The following ACVR1 variants were observed in gnomAD, a reference collection of about 807,000 sequenced individuals.
ACVR1 encodes activin receptor type-1.
Under a neutral mutation model 57.1 loss-of-function variants are expected in ACVR1, and 38 were observed. That is an observed-to-expected ratio of 0.67 (90% CI 0.51 to 0.87). The LOEUF is 0.87. Among genes scored for constraint, ACVR1 ranks in the 40% least tolerant of loss-of-function variants. The pLI is 0.00. For missense variants in ACVR1, 463 were observed against 638.2 expected, an observed-to-expected ratio of 0.73 and a Z score of 2.96; for synonymous variants, 212 against 228.1, an observed-to-expected ratio of 0.93 and a Z score of 0.63.
chr2:157,737,520 C>G lies in ACVR1; in HGVS notation c.*11G>C. The G allele has an allele frequency of 6.2e-7, 1 of 1,613,894 alleles. No homozygotes were observed. The highest frequency in any genetic ancestry group is 2.2e-5 in the East Asian group (1 of 44,858). ...CAACGTCAAATCTTCCTTCTTGACA[C>G]TATGAAAATGTCAACAGTCAGTTTT... On this transcript the variant is annotated 3_prime_UTR_variant, in exon 11 of 11. Transcript: ENST00000434821.
At chr2:157,777,288 G>A (rs1437340208) in intron 5 of ACVR1, among the ~76,000 whole-genome samples, 1 of 152,122 alleles carries the variant, frequency 6.6e-6, no homozygotes, top group African/African-American at 2.4e-5. Context: ...ACACTGTGCA[G>A]TCCAGCGGGT....
chr2:157,757,045 A>ATATATATATATAT (rs1559039330), intron 9 of ACVR1, among the ~76,000 whole-genome samples: 8 of 98,166 alleles, frequency 8.1e-5, no homozygotes, highest in African/African-American at 2.9e-4. Context: ...TATATATATA[A>ATATATATATATAT]AATAGAATAC....
rs375065246 is a variant in ACVR1, at chr2:157,817,816, T to C, written c.-8+569A>G. On this transcript the variant is annotated intron_variant, in intron 2 of 10. Coordinates refer to ENST00000434821, the MANE Select transcript of ACVR1 (RefSeq NM_001111067.4). Reference sequence around the variant, plus strand: ...GAGTTCGAGACCAGCCTGGCCAATATGGTGAAACCCCGTCTCTACTAATAA... The same window carrying C: ...GAGTTCGAGACCAGCCTGGCCAATACGGTGAAACCCCGTCTCTACTAATAA... 2.6e-3 allele frequency among the ~76,000 whole-genome samples: 389 copies of C among 152,100 alleles called. 2 individuals carry two copies. The highest frequency in any genetic ancestry group is 8.9e-3 in the African/African-American group (371 of 41,502).
rs1453500793 is a variant in ACVR1 at position 157,761,026 on chromosome 2, T to C, written c.1118A>G (p.Asn373Ser). The C allele has an allele frequency of 1.9e-6, 3 of 1,614,152 alleles. No homozygotes were observed. Among genetic ancestry groups the C allele is most frequent in the Non-Finnish European group, 2.5e-6 (3 of 1,180,016 alleles). The change falls in exon 9 of 11, where the codon AAT becomes AGT. Residue 373 changes from asparagine (N) to serine (S), a missense_variant. Physicochemically the swap from Asn to Ser is conservative, Grantham distance 46. Transcript: ENST00000434821. ...QSTNQLDVGN[N>S]PRVGTKRYMA... ...GTAGCGCTTGGTGCCCACACGGGGA[T>C]TGTTCCCCACATCAAGCTGATTGGT...
intron 2 of ACVR1, among the ~76,000 whole-genome samples, chr2:157,807,914 CTT>C (rs1445471810): frequency 1.8e-4 from 26 of 143,910 alleles, no homozygotes; most frequent in Middle Eastern, 7.9e-3. Context: ...ACATTTCTCT[CTT>C]TCTCTCTCTC....
At chr2:157,863,148 G>A (rs868800013) in intron 1 of ACVR1, among the ~76,000 whole-genome samples, 1 of 145,592 alleles carries the variant, frequency 6.9e-6, no homozygotes. Flanking sequence ...AAGTAGCTGG[G>A]ATTACAGGTG....
intron 1 of ACVR1, among the ~76,000 whole-genome samples, chr2:157,839,584 A>C (rs1046116692): frequency 5.3e-5 from 8 of 152,118 alleles, no homozygotes; most frequent in African/African-American, 1.9e-4. Context: ...GTCCAGCGAC[A>C]CTCTTTGATG....
intron 9 of ACVR1, among the ~76,000 whole-genome samples, chr2:157,748,373 C>T (rs961645289): frequency 1.3e-5 from 2 of 152,126 alleles, no homozygotes; most frequent in Non-Finnish European, 2.9e-5. Context: ...ATTTGGACAC[C>T]AATCCTTCTC....
intron 1 of ACVR1, among the ~76,000 whole-genome samples, chr2:157,853,651 A>G (rs898416188): frequency 2.6e-5 from 4 of 152,196 alleles, no homozygotes; most frequent in African/African-American, 9.6e-5. Context: ...TCCAATAGCT[A>G]GCATATTTCA....
chr2:157,762,097 T>A (rs1436182321), intron 8 of ACVR1, among the ~76,000 whole-genome samples: 1 of 152,206 alleles, frequency 6.6e-6, no homozygotes, highest in African/African-American at 2.4e-5. Context: ...ACAGACAGGT[T>A]CCTCTTTCAC....
At chr2:157,770,592 T>C (rs1325150419) in intron 6 of ACVR1, 78 bp from the exon 7 acceptor site, 2 of 1,441,518 alleles carry the variant, frequency 1.4e-6, no homozygotes, top group African/African-American at 2.8e-5. Context: ...GAATAATTAA[T>C]TTAGTGCATG....
intron 2 of ACVR1, among the ~76,000 whole-genome samples, chr2:157,800,869 C>T (rs1687298790): frequency 6.6e-6 from 1 of 152,068 alleles, no homozygotes; most frequent in African/African-American, 2.4e-5. Flanking sequence ...TTCCCCTCTG[C>T]TTGAACTGCC....
chr2:157,766,542 T>C (rs535498418), intron 7 of ACVR1, among the ~76,000 whole-genome samples: 10 of 152,326 alleles, frequency 6.6e-5, no homozygotes, highest in African/African-American at 2.4e-4. Context: ...GAACAGACCA[T>C]TCATCAACCA....
intron 3 of ACVR1, among the ~76,000 whole-genome samples, chr2:157,793,041 A>G (rs1686979676): frequency 6.6e-6 from 1 of 152,188 alleles, no homozygotes; most frequent in South Asian, 2.1e-4. Context: ...TTAATTTTTA[A>G]GTGTGTTTTA....
rs1684620061 is a variant in ACVR1 at position 157,738,344 on chromosome 2, A to T, written c.1395+96T>A. 1.9e-6 allele frequency: 3 copies of T among 1,559,430 alleles called. No individual in the cohort carries two copies. The East Asian group carries it at 6.7e-5, about 35-fold the overall frequency. On this transcript the variant is annotated intron_variant, in intron 10 of 10. Coordinates refer to ENST00000434821, the MANE Select transcript of ACVR1 (RefSeq NM_001111067.4). The stretch of plus-strand genomic sequence containing the variant: ...GAAGAGAAAACAACAGATCCACGGG[A>T]CAGATCACTCAGATGCAATACCAGT...
chr2:157,845,498 C>T (rs1404006745), intron 1 of ACVR1, among the ~76,000 whole-genome samples: 2 of 151,980 alleles, frequency 1.3e-5, no homozygotes, highest in Admixed American at 1.3e-4. Context: ...GAAAGAGTCT[C>T]CCCTAAAGCC....
intron 3 of ACVR1, 23 bp from the exon 4 acceptor site, chr2:157,780,623 G>GA: frequency 6.3e-7 from 1 of 1,597,208 alleles, no homozygotes; most frequent in Admixed American, 1.8e-5. Flanking sequence ...GAAAGGAAGG[G>GA]GAAAAAAAAA....
In ACVR1 at chr2:157,818,905, C is replaced by T. The variant is rs567937216; in HGVS notation, c.-182-346G>A. Among the ~76,000 whole-genome samples, 41 of 151,366 alleles carry T rather than the reference C, an allele frequency of 2.7e-4. No homozygotes were observed. In the South Asian group the frequency reaches 7.6e-3, roughly 28 times the overall value. On this transcript the variant is annotated intron_variant, in intron 1 of 10. Transcript: ENST00000434821. ...CATCCCGGCTAAAACGGTGAAACCC[C>T]GTCTCTACTAAAAATACAAAAAATT...
intron 8 of ACVR1, among the ~76,000 whole-genome samples, chr2:157,762,403 C>G (rs1685694178): frequency 1.3e-5 from 2 of 152,124 alleles, no homozygotes; most frequent in African/African-American, 4.8e-5. Context: ...TATATAGAAT[C>G]TGGTACTATC....
Sources: allele counts gnomAD v4.1 joint callset (sites outside exome capture counted in the v4.1 genomes callset), GRCh38; gene constraint gnomAD v4.1.1; transcripts MANE v1.5; gene names NCBI Gene and HGNC (gene_info 2026-07-23, HGNC 2026-07-21).